PDGFA: variants seen among roughly 807,000 people sequenced by gnomAD.
PDGFA encodes platelet derived growth factor subunit A.
PDGFA carries 9 observed loss-of-function variants against 25.6 expected under a neutral mutation model. The ratio of observed to expected loss-of-function variants is 0.35; its 90% CI spans 0.21 to 0.61. PDGFA has a LOEUF of 0.61. PDGFA is among the 20% of genes least tolerant of loss of function. PDGFA has a pLI of 0.75. For synonymous variants in PDGFA, 133 were observed against 111.8 expected (o/e 1.19, Z -1.20); for missense variants, 242 against 272.8 (o/e 0.89, Z 0.79).
chr7:514,735 C>T (rs569056658), intron 2 of PDGFA, among the ~76,000 whole-genome samples: 10 of 152,360 alleles, frequency 6.6e-5, no homozygotes, highest in Admixed American at 6.5e-4. Context: ...CCAGGCCAGA[C>T]CACTTTGGGG....
In PDGFA at chr7:500,859, G is replaced by C; in HGVS notation, c.580+257C>G. On this transcript the variant is annotated intron_variant, in intron 5 of 5. Coordinates refer to ENST00000402802, the Ensembl canonical transcript of PDGFA. The surrounding 1 kb of genome is among the most constrained non-coding windows in gnomAD (Gnocchi z 5.0). ...GAATTGGGTGTCTTATGCACTCCCA[G>C]CCCCTCTCAGTGAGACCTGAATCTC... is the stretch of plus-strand genomic sequence containing the variant. 6.5e-7 allele frequency: 1 copy of C among 1,538,956 alleles called. No homozygotes were observed. The highest frequency in any genetic ancestry group is 8.7e-7 in the Non-Finnish European group (1 of 1,147,264).
At position 517,291 on chromosome 7, in the gene PDGFA, T is replaced by G; in HGVS notation, c.160+103A>C. 2.7e-6 allele frequency: 1 copy of G among 365,696 alleles called. No individual in the cohort carries two copies. Among genetic ancestry groups the G allele is most frequent in the Non-Finnish European group, 4.6e-6 (1 of 219,638 alleles). The allele number at this position is 365,696 out of a possible 1,614,324, so 22.7% of individuals were successfully genotyped here. On this transcript the variant is annotated intron_variant, in intron 2 of 5. Transcript: ENST00000402802. The surrounding 1 kb of genome is among the most constrained non-coding windows in gnomAD (Gnocchi z 7.4). ...TATGGCTGGGGATTGGATTCTGACC[T>G]TTCGGTGCGCTCCTGCGCGGCGCCC...
In PDGFA at chr7:500,520, C is replaced by T. The variant is rs367916983; in HGVS notation, c.580+596G>A. 48 of 1,613,722 alleles carry T rather than the reference C, an allele frequency of 3.0e-5. No individual in the cohort carries two copies. Among genetic ancestry groups the T allele is most frequent in the African/African-American group, 6.7e-5 (5 of 74,916 alleles). ...CCTTCCTGTTAACAAAAGGGCAGGG[C>T]GGTGAGTGGGCCGAGGGACGGCCGT... On this transcript the variant is annotated intron_variant, in intron 5 of 5. Transcript: ENST00000402802. The surrounding 1 kb of genome is among the most constrained non-coding windows in gnomAD (Gnocchi z 5.0).
Position 500,356 on chromosome 7 carries a change from G to T in PDGFA, c.580+760C>A. On this transcript the variant is annotated intron_variant, in intron 5 of 5. Coordinates refer to ENST00000402802, the Ensembl canonical transcript of PDGFA. This position sits in a 1 kb window ranked among gnomAD's most constrained non-coding sequence, Gnocchi z 5.0. ...CGCCGCACCCGGCGAGACAGGAAGC[G>T]TGATTTGCTGGTGTGATCAGTCAGT... 2 of 1,509,214 alleles carry T rather than the reference G, an allele frequency of 1.3e-6. No homozygotes were observed. The highest frequency in any genetic ancestry group is 1.8e-6 in the Non-Finnish European group (2 of 1,086,018). The allele number at this position is 1,509,214 out of a possible 1,614,324, so 93.5% of individuals were successfully genotyped here.
rs1168643603 is a variant in PDGFA at position 500,710 on chromosome 7, G to T, written c.580+406C>A. On this transcript the variant is annotated intron_variant, in intron 5 of 5. Coordinates refer to ENST00000402802, the Ensembl canonical transcript of PDGFA. This position sits in a 1 kb window ranked among gnomAD's most constrained non-coding sequence, Gnocchi z 5.0. ...TCTGCTCCTGGGTGGAGTCCGCGTG[G>T]CGGGGTGAAGGAGAGACCCCAGCCA... 1.4e-6 allele frequency: 2 copies of T among 1,440,344 alleles called. No individual in the cohort carries two copies. Among genetic ancestry groups the T allele is most frequent in the African/African-American group, 2.9e-5 (2 of 69,796 alleles). 89.2% of individuals were successfully genotyped at this position (1,440,344 alleles called of 1,614,324 possible). A position where few individuals can be genotyped will look rare whatever the true frequency, so the allele number is the denominator to read the frequency against.
chr7:520,185 T>C (rs1443279174), upstream of PDGFA: 1 of 241,884 alleles, frequency 4.1e-6, no homozygotes, highest in Admixed American at 6.1e-5. Context: ...AGCGCCGCCG[T>C]CGCCGGCTCG....
At chr7:497,911 AG>A (rs1782128222) in exon 6 of PDGFA, 1 of 130,138 alleles carries the variant, frequency 7.7e-6, no homozygotes. Flanking sequence ...AAGAGTAAAA[AG>A]GAAAGCTTAA....
intron 4 of PDGFA, among the ~76,000 whole-genome samples, chr7:502,365 C>T (rs1375887707): frequency 1.4e-5 from 2 of 147,822 alleles, no homozygotes; most frequent in Non-Finnish European, 3.0e-5. Context: ...TCCCCGCCGG[C>T]CCCAGGCAGC....
chr7:501,558 G>A (rs936839851), intron 4 of PDGFA, among the ~76,000 whole-genome samples: 3 of 152,136 alleles, frequency 2.0e-5, no homozygotes, highest in Admixed American at 6.6e-5. Flanking sequence ...CCACCTGTAA[G>A]CACAGGCCAC....
At chr7:504,828 G>C (rs1188275465) in intron 4 of PDGFA, among the ~76,000 whole-genome samples, 1 of 152,220 alleles carries the variant, frequency 6.6e-6, no homozygotes, top group African/African-American at 2.4e-5. Flanking sequence ...CGTCTGGCCA[G>C]ACACCAGACG....
At chr7:509,727 C>T (rs917871823) in intron 4 of PDGFA, among the ~76,000 whole-genome samples, 3 of 152,210 alleles carry the variant, frequency 2.0e-5, no homozygotes, top group African/African-American at 7.2e-5. Flanking sequence ...GAAAACACGG[C>T]TCCAGCGGAG....
chr7:497,951 A>AAAC (rs1562481595), exon 6 of PDGFA: 16 of 115,242 alleles, frequency 1.4e-4, no homozygotes, highest in Non-Finnish European at 2.0e-4. Context: ...AAAAAAAAAA[A>AAAC]AAAAAAACAA....
rs1782288754 is a variant in PDGFA at position 500,647 on chromosome 7, G to A, written c.580+469C>T. ...CCGAGAAACTTCTGAGTCCCCTCAT[G>A]CTCCCAGGGCCCAGCCATAGCAGGG... On this transcript the variant is annotated intron_variant, in intron 5 of 5. Coordinates refer to ENST00000402802, the Ensembl canonical transcript of PDGFA. This position sits in a 1 kb window ranked among gnomAD's most constrained non-coding sequence, Gnocchi z 5.0. 1 of 1,478,004 alleles carries A rather than the reference G, an allele frequency of 6.8e-7. No homozygotes were observed. Among genetic ancestry groups the A allele is most frequent in the South Asian group, 1.4e-5 (1 of 73,722 alleles). The allele number at this position is 1,478,004 out of a possible 1,614,324, so 91.6% of individuals were successfully genotyped here. A position where few individuals can be genotyped will look rare whatever the true frequency, so the allele number is the denominator to read the frequency against.
exon 1 of PDGFA, chr7:519,074 G>T: frequency 8.1e-7 from 1 of 1,240,478 alleles, no homozygotes; most frequent in Non-Finnish European, 1.1e-6. Context: ...GTCTCCTGTG[G>T]CGGCGAAATT....
chr7:503,873 G>A (rs761877163), intron 4 of PDGFA, among the ~76,000 whole-genome samples: 11 of 152,164 alleles, frequency 7.2e-5, no homozygotes, highest in Admixed American at 2.0e-4. Context: ...GTTTCGCTAC[G>A]TCACAAAGCG....
chr7:499,703 G>T (rs1782238389), intron 5 of PDGFA, among the ~76,000 whole-genome samples: 1 of 62,896 alleles, frequency 1.6e-5, no homozygotes, highest in African/African-American at 6.7e-5. Context: ...AGCTCTCTAA[G>T]GGTGTTATTT....
Position 500,325 on chromosome 7 carries a change from C to T in PDGFA, c.580+791G>A. ...ACACCATCAAGGCCAATCAGGGCCA[C>T]ATCCCCGCCGCACCCGGCGAGACAG... On this transcript the variant is annotated intron_variant, in intron 5 of 5. Coordinates refer to ENST00000402802, the Ensembl canonical transcript of PDGFA. The surrounding 1 kb of genome is among the most constrained non-coding windows in gnomAD (Gnocchi z 5.0). 1 of 1,274,644 alleles carries T rather than the reference C, an allele frequency of 7.8e-7. No individual in the cohort carries two copies. Among genetic ancestry groups the T allele is most frequent in the Non-Finnish European group, 1.1e-6 (1 of 891,132 alleles). 79.0% of individuals were successfully genotyped at this position (1,274,644 alleles called of 1,614,324 possible).
rs772939901 is a variant in PDGFA at position 500,971 on chromosome 7, C to T, written c.580+145G>A. ...CCGTCTCCCCCGCAGGCATCTGGCC[C>T]GGGAGCAGGGCAACGAATCCTTCAA... is the stretch of plus-strand genomic sequence containing the variant. On this transcript the variant is annotated intron_variant, in intron 5 of 5. Coordinates refer to ENST00000402802, the Ensembl canonical transcript of PDGFA. This position sits in a 1 kb window ranked among gnomAD's most constrained non-coding sequence, Gnocchi z 5.0. The T allele has an allele frequency of 5.0e-6, 8 of 1,598,072 alleles. No individual in the cohort carries two copies. In the African/African-American group the frequency reaches 5.3e-5, roughly 11 times the overall value.
exon 1 of PDGFA, chr7:519,040 G>A: frequency 6.7e-6 from 10 of 1,482,544 alleles, no homozygotes; most frequent in Non-Finnish European, 8.1e-6. Flanking sequence ...GAGAGGCGAG[G>A]CCGCGGGGCG....
Sources: gnomAD v4.1 joint callset for allele counts (sites outside exome capture counted in the v4.1 genomes callset) on GRCh38, gnomAD v4.1.1 for gene constraint, Gnocchi (gnomAD v3.1) non-coding constraint, MANE v1.5 for transcripts, NCBI Gene and HGNC (gene_info 2026-07-23, HGNC 2026-07-21) for gene names.